SCFD2: variants seen among roughly 807,000 people sequenced by gnomAD.
The protein encoded by SCFD2 is sec1 family domain containing 2.
A neutral mutation model predicts 58.9 loss-of-function variants in SCFD2; 54 were observed. That is an observed-to-expected ratio of 0.92 (90% CI 0.74 to 1.15). SCFD2 has a LOEUF of 1.15. Among genes scored for constraint, SCFD2 ranks in the 50% most tolerant of loss-of-function variants. SCFD2 has a pLI of 0.00. For missense variants in SCFD2, 805 were observed against 836.6 expected (o/e 0.96, Z 0.47); for synonymous variants, 321 against 335.9 (o/e 0.96, Z 0.49).
At chr4:53,230,075 C>T (rs1318158713) in intron 4 of SCFD2, among the ~76,000 whole-genome samples, 1 of 152,120 alleles carries the variant, frequency 6.6e-6, no homozygotes, top group African/African-American at 2.4e-5. Context: ...CAATGAGATA[C>T]CATCTCACAC....
At chr4:53,306,378 T>G (rs1732514900) in intron 3 of SCFD2, among the ~76,000 whole-genome samples, 1 of 151,514 alleles carries the variant, frequency 6.6e-6, no homozygotes. Context: ...AAGAGCAGAG[T>G]GACATGAAGA....
Position 53,116,908 on chromosome 4 carries a change from C to A in SCFD2, c.1561+28425G>T, listed in dbSNP as rs149580043. Reference sequence around the variant, plus strand: ...AAAGCAACCACAGAGCCTCTAAGTACCATCACCTTGTCACAGATATCCTGG... The same window carrying A: ...AAAGCAACCACAGAGCCTCTAAGTAACATCACCTTGTCACAGATATCCTGG... On this transcript the variant is annotated intron_variant, in intron 5 of 8. Coordinates refer to ENST00000401642, the MANE Select transcript of SCFD2 (RefSeq NM_152540.4). Among the ~76,000 whole-genome samples the A allele has an allele frequency of 2.3e-3, 345 of 152,214 alleles. 3 individuals are homozygous for A. The highest frequency in any genetic ancestry group is 6.5e-3 in the Admixed American group (100 of 15,294).
chr4:53,200,747 T>C (rs952541953), intron 4 of SCFD2, among the ~76,000 whole-genome samples: 1 of 152,164 alleles, frequency 6.6e-6, no homozygotes, highest in African/African-American at 2.4e-5. Context: ...AAGTACATTC[T>C]GTCTTAATGG....
intron 4 of SCFD2, among the ~76,000 whole-genome samples, chr4:53,258,834 A>G (rs1367004604): frequency 2.0e-5 from 3 of 152,034 alleles, no homozygotes; most frequent in Non-Finnish European, 4.4e-5. Flanking sequence ...ACTAATTTAC[A>G]TTCTCAACAA....
At chr4:53,145,194 C>T in intron 5 of SCFD2, 139 bp downstream of exon 5, 5 of 1,038,592 alleles carry the variant, frequency 4.8e-6, no homozygotes, top group Non-Finnish European at 7.1e-6. Flanking sequence ...TATAGGCTGG[C>T]TAGCATTCAT....
At chr4:52,959,325 G>A (rs1352402464) in intron 5 of SCFD2, among the ~76,000 whole-genome samples, 2 of 152,094 alleles carry the variant, frequency 1.3e-5, no homozygotes, top group Admixed American at 6.5e-5. Context: ...GGATGTATGG[G>A]CTGCTCTACC....
chr4:53,193,722 T>C (rs1336702479), intron 4 of SCFD2, among the ~76,000 whole-genome samples: 1 of 152,316 alleles, frequency 6.6e-6, no homozygotes, highest in East Asian at 1.9e-4. Context: ...TGAAGAAATA[T>C]TTTTCTTGCC....
intron 4 of SCFD2, among the ~76,000 whole-genome samples, chr4:53,185,620 T>C (rs1359299231): frequency 6.6e-6 from 1 of 152,072 alleles, no homozygotes; most frequent in Non-Finnish European, 1.5e-5. Flanking sequence ...CTTTTTATTA[T>C]CTAAATTAAG....
intron 5 of SCFD2, among the ~76,000 whole-genome samples, chr4:52,964,030 A>C (rs1300853575): frequency 2.6e-5 from 4 of 152,206 alleles, no homozygotes; most frequent in Non-Finnish European, 5.9e-5. Flanking sequence ...TGGGAAAAAG[A>C]ATAATATAAA....
At chr4:53,097,711 T>C (rs1402609852) in intron 5 of SCFD2, among the ~76,000 whole-genome samples, 1 of 152,238 alleles carries the variant, frequency 6.6e-6, no homozygotes, top group Non-Finnish European at 1.5e-5. Flanking sequence ...CTTTATTTCT[T>C]TCTCCTGCCT....
chr4:52,951,814 C>T (rs1338731809), intron 5 of SCFD2, among the ~76,000 whole-genome samples: 3 of 152,188 alleles, frequency 2.0e-5, no homozygotes, highest in African/African-American at 7.2e-5. Flanking sequence ...ACAAACCTCA[C>T]TGAGCCATAT....
At chr4:53,020,518 C>A (rs1722320828) in intron 5 of SCFD2, among the ~76,000 whole-genome samples, 1 of 152,156 alleles carries the variant, frequency 6.6e-6, no homozygotes, top group Non-Finnish European at 1.5e-5. Flanking sequence ...GTCACTAAAT[C>A]CTAATCATTC....
At chr4:53,181,195 C>T (rs1169366909) in intron 4 of SCFD2, among the ~76,000 whole-genome samples, 1 of 152,108 alleles carries the variant, frequency 6.6e-6, no homozygotes, top group Non-Finnish European at 1.5e-5. Context: ...CTGGCAGAGA[C>T]ACAACCAAAA....
At chr4:52,984,525 G>A (rs1721446320) in intron 5 of SCFD2, among the ~76,000 whole-genome samples, 1 of 152,184 alleles carries the variant, frequency 6.6e-6, no homozygotes, top group South Asian at 2.1e-4. Context: ...TCATAAAAGA[G>A]CTTACAAAGG....
intron 5 of SCFD2, among the ~76,000 whole-genome samples, chr4:53,017,393 C>T (rs1722240688): frequency 2.6e-5 from 4 of 152,146 alleles, no homozygotes; most frequent in Admixed American, 2.0e-4. Flanking sequence ...TGAGGTAACT[C>T]ACCCAAAGTT....
At chr4:53,349,855 T>C (rs1278407328) in intron 2 of SCFD2, among the ~76,000 whole-genome samples, 2 of 152,232 alleles carry the variant, frequency 1.3e-5, no homozygotes, top group African/African-American at 4.8e-5. Context: ...TTTTGGTAAT[T>C]ACCTTAGGTT....
chr4:52,878,199 C>G (rs991862332), intron 8 of SCFD2, among the ~76,000 whole-genome samples: 1 of 152,164 alleles, frequency 6.6e-6, no homozygotes, highest in Non-Finnish European at 1.5e-5. Context: ...AGCACAGTGC[C>G]TGACACATAG....
At chr4:53,361,221 T>G (rs1278998865) in intron 1 of SCFD2, among the ~76,000 whole-genome samples, 2 of 152,224 alleles carry the variant, frequency 1.3e-5, no homozygotes, top group African/African-American at 4.8e-5. Context: ...AACTTTGACA[T>G]TTACAGAATT....
At chr4:53,272,765 TAATGGGTGCAGCACATC>T (rs1731213377) in intron 4 of SCFD2, among the ~76,000 whole-genome samples, 1 of 152,040 alleles carries the variant, frequency 6.6e-6, no homozygotes, top group Non-Finnish European at 1.5e-5. Context: ...TGACGTGAGT[TAATGGGTGCAGCACATC>T]AACGTGGCAC....
Sources: gnomAD v4.1 joint callset for allele counts (sites outside exome capture counted in the v4.1 genomes callset) on GRCh38, gnomAD v4.1.1 for gene constraint, MANE v1.5 for transcripts, NCBI Gene and HGNC (gene_info 2026-07-23, HGNC 2026-07-21) for gene names.